Variants in KCNH1 observed in about 807,000 individuals in gnomAD.
The protein encoded by KCNH1 is potassium voltage-gated channel subfamily H member 1, also known as voltage-gated delayed rectifier potassium channel KCNH1.
In KCNH1, 27 loss-of-function variants were observed where a neutral mutation model predicts 69.2. The ratio of observed to expected loss-of-function variants is 0.39; its 90% CI spans 0.29 to 0.54. KCNH1 has a LOEUF of 0.54. KCNH1 is among the 20% of genes least tolerant of loss of function. The pLI, the probability that KCNH1 is intolerant of heterozygous loss-of-function variation, is 0.68. For missense variants in KCNH1, 798 were observed against 1,261.6 expected (o/e 0.63, Z 5.57); for synonymous variants, 456 against 487.7 (o/e 0.93, Z 0.86).
intron 4 of KCNH1, among the ~76,000 whole-genome samples, chr1:211,085,315 C>T (rs985620624): frequency 2.0e-5 from 3 of 151,786 alleles, no homozygotes; most frequent in African/African-American, 7.3e-5. Flanking sequence ...AGGGGCCAAA[C>T]CAAGAAGAAC....
intron 7 of KCNH1, among the ~76,000 whole-genome samples, chr1:210,907,371 G>C (rs192360589): frequency 2.6e-5 from 4 of 152,208 alleles, no homozygotes; most frequent in Admixed American, 2.0e-4. Context: ...GTAGAAATGT[G>C]ATTTCTCCAT....
chr1:210,744,143 T>C (rs1162915624), intron 10 of KCNH1, among the ~76,000 whole-genome samples: 5 of 152,094 alleles, frequency 3.3e-5, no homozygotes, highest in African/African-American at 1.2e-4. Flanking sequence ...GGGGATGTGG[T>C]CCCTCCACCG....
chr1:211,001,325 C>A, intron 6 of KCNH1, among the ~76,000 whole-genome samples: 1 of 152,030 alleles, frequency 6.6e-6, no homozygotes, highest in Non-Finnish European at 1.5e-5. Flanking sequence ...AAGAAAAAAA[C>A]AAACAACCCC....
chr1:211,088,180 T>C (rs1482856694), intron 4 of KCNH1, among the ~76,000 whole-genome samples: 1 of 152,194 alleles, frequency 6.6e-6, no homozygotes, highest in Non-Finnish European at 1.5e-5. Flanking sequence ...CAAAGAGCAA[T>C]TATCTGGGAA....
At chr1:210,986,227 C>T (rs1213579655) in intron 6 of KCNH1, among the ~76,000 whole-genome samples, 5 of 152,166 alleles carry the variant, frequency 3.3e-5, no homozygotes, top group Admixed American at 6.5e-5. Context: ...TGGGTCTTGC[C>T]TCTTTATCCA....
intron 5 of KCNH1, among the ~76,000 whole-genome samples, chr1:211,074,343 T>TTAC (rs1342754620): frequency 6.6e-6 from 1 of 151,774 alleles, no homozygotes; most frequent in African/African-American, 2.4e-5. Context: ...TCTTATCCTC[T>TTAC]TACATAACAT....
At chr1:211,011,342 G>A (rs529872499) in intron 6 of KCNH1, among the ~76,000 whole-genome samples, 134 of 152,244 alleles carry the variant, frequency 8.8e-4, no homozygotes, top group South Asian at 3.7e-3. Context: ...ATTCCATGGT[G>A]TATATGTGCC....
intron 7 of KCNH1, among the ~76,000 whole-genome samples, chr1:210,918,066 C>G (rs956126860): frequency 6.6e-6 from 1 of 152,166 alleles, no homozygotes; most frequent in Non-Finnish European, 1.5e-5. Context: ...TAAATACTCT[C>G]AGGAAAACTC....
chr1:210,750,620 G>A (rs1255870201), intron 10 of KCNH1, among the ~76,000 whole-genome samples: 1 of 152,108 alleles, frequency 6.6e-6, no homozygotes, highest in Non-Finnish European at 1.5e-5. Context: ...AATCTCTTAA[G>A]CTGTAGGTGG....
At chr1:210,925,868 C>A (rs1349543364) in intron 6 of KCNH1, among the ~76,000 whole-genome samples, 2 of 152,192 alleles carry the variant, frequency 1.3e-5, no homozygotes, top group Non-Finnish European at 2.9e-5. Context: ...GAATACTTAA[C>A]CAGGTGTCCC....
At chr1:210,999,544 T>C (rs1169217351) in intron 6 of KCNH1, among the ~76,000 whole-genome samples, 1 of 152,012 alleles carries the variant, frequency 6.6e-6, no homozygotes, top group Non-Finnish European at 1.5e-5. Flanking sequence ...TCAAAAAAAG[T>C]CCAGGACCAG....
chr1:210,849,594 G>T (rs1019754921), intron 7 of KCNH1, among the ~76,000 whole-genome samples: 1 of 151,968 alleles, frequency 6.6e-6, no homozygotes, highest in Non-Finnish European at 1.5e-5. Context: ...TCAAATTCCC[G>T]ACCTCAGGTG....
intron 5 of KCNH1, among the ~76,000 whole-genome samples, chr1:211,021,941 C>T (rs1413302592): frequency 6.6e-6 from 1 of 152,090 alleles, no homozygotes; most frequent in Admixed American, 6.6e-5. Context: ...ATTAAAATAC[C>T]AATGACAATC....
rs146895824 is a variant in KCNH1, at chr1:210,905,841, T to C, written c.1462+13799A>G. ...TCTGTGCCTCACTTCTTCAACTGTG[T>C]TACTATGATGATGAAGTGGCATAAT... On this transcript the variant is annotated intron_variant, in intron 7 of 10. Coordinates refer to ENST00000271751, the MANE Select transcript of KCNH1 (RefSeq NM_172362.3). Among the ~76,000 whole-genome samples, 169 of 152,300 alleles carry C rather than the reference T, an allele frequency of 1.1e-3. 2 individuals are homozygous for C. The East Asian group carries it at 0.026, about 24-fold the overall frequency.
chr1:211,103,690 T>C, intron 2 of KCNH1, 88 bp from the exon 3 acceptor site: 1 of 840,618 alleles, frequency 1.2e-6, no homozygotes, highest in East Asian at 2.6e-5. Flanking sequence ...TATTCAGCAC[T>C]GTGCTATGTA....
chr1:210,844,064 C>T (rs1231721409), intron 7 of KCNH1, among the ~76,000 whole-genome samples: 1 of 152,186 alleles, frequency 6.6e-6, no homozygotes, highest in East Asian at 1.9e-4. Context: ...GCAACTGGTG[C>T]CCTTAGGGAT....
chr1:210,898,395 G>T (rs754155556), intron 7 of KCNH1, among the ~76,000 whole-genome samples: 3 of 152,168 alleles, frequency 2.0e-5, no homozygotes, highest in Non-Finnish European at 4.4e-5. Flanking sequence ...AACAGGCATG[G>T]TTTTGCCCTC....
chr1:210,710,294 G>C (rs1166278897), intron 10 of KCNH1, among the ~76,000 whole-genome samples: 2 of 151,854 alleles, frequency 1.3e-5, no homozygotes, highest in Admixed American at 6.6e-5. Context: ...AGTTGCTCTG[G>C]GTAAGTCAGT....
intron 4 of KCNH1, among the ~76,000 whole-genome samples, chr1:211,088,759 C>A (rs1468168117): frequency 1.3e-5 from 2 of 152,152 alleles, no homozygotes; most frequent in Non-Finnish European, 1.5e-5. Flanking sequence ...CCGACAAAAA[C>A]AATTAATATC....
Sources: gnomAD v4.1 joint callset for allele counts (sites outside exome capture counted in the v4.1 genomes callset) on GRCh38, gnomAD v4.1.1 for gene constraint, MANE v1.5 for transcripts, NCBI Gene and HGNC (gene_info 2026-07-23, HGNC 2026-07-21) for gene names.